The following CSNK1G1 variants were observed in gnomAD, a reference collection of about 807,000 sequenced individuals.
The protein encoded by CSNK1G1 is casein kinase I isoform gamma-1.
CSNK1G1 carries 22 observed loss-of-function variants against 59.6 expected under a neutral mutation model. That is an observed-to-expected ratio of 0.37 (90% CI 0.26 to 0.53). The LOEUF (loss-of-function observed/expected upper bound fraction) is 0.53, where lower values mean the gene tolerates loss of function less well. Ranked by LOEUF, CSNK1G1 falls within the 20% of genes least tolerant of loss-of-function variation. The pLI is 0.89. For missense variants in CSNK1G1, 384 were observed against 519.5 expected (o/e 0.74, Z 2.54); for synonymous variants, 179 against 177.1 (o/e 1.01, Z -0.08).
chr15:64,313,049 T>C (rs1378705159), intron 1 of CSNK1G1, among the ~76,000 whole-genome samples: 3 of 152,100 alleles, frequency 2.0e-5, no homozygotes, highest in Non-Finnish European at 4.4e-5. Context: ...AAAACCACAA[T>C]GAGATACCAT....
chr15:64,271,734 CTGT>C (rs1893319861), intron 2 of CSNK1G1, among the ~76,000 whole-genome samples: 1 of 152,158 alleles, frequency 6.6e-6, no homozygotes, highest in South Asian at 2.1e-4. Flanking sequence ...AATGTATATT[CTGT>C]TGTTTTGAAG....
intron 1 of CSNK1G1, among the ~76,000 whole-genome samples, chr15:64,350,799 C>T (rs902258236): frequency 6.6e-6 from 1 of 152,068 alleles, no homozygotes; most frequent in African/African-American, 2.4e-5. Flanking sequence ...AATTTTTTTT[C>T]CTGAGTCCAT....
intron 1 of CSNK1G1, among the ~76,000 whole-genome samples, chr15:64,310,730 G>A (rs1279096549): frequency 6.6e-6 from 1 of 152,050 alleles, no homozygotes; most frequent in African/African-American, 2.4e-5. Context: ...AAAGAGGCCG[G>A]GCACAGCGGC....
chr15:64,178,436 T>C (rs2081766678), intron 11 of CSNK1G1, among the ~76,000 whole-genome samples: 1 of 151,890 alleles, frequency 6.6e-6, no homozygotes, highest in Admixed American at 6.6e-5. Flanking sequence ...ACTTTTGATG[T>C]ATTGGGTAGG....
chr15:64,293,162 ATC>A (rs79308937), intron 2 of CSNK1G1, among the ~76,000 whole-genome samples: 8,397 of 152,162 alleles, frequency 0.055, 705 homozygotes, highest in African/African-American at 0.18. Flanking sequence ...AATCTATAAA[ATC>A]TGTTTTCATC....
chr15:64,319,381 A>G (rs1204025925), intron 1 of CSNK1G1, among the ~76,000 whole-genome samples: 1 of 151,848 alleles, frequency 6.6e-6, no homozygotes. Flanking sequence ...CTCTCAAAGG[A>G]TATCAGGCAT....
At chr15:64,312,668 G>A (rs542303983) in intron 1 of CSNK1G1, among the ~76,000 whole-genome samples, 1 of 152,228 alleles carries the variant, frequency 6.6e-6, no homozygotes, top group Non-Finnish European at 1.5e-5. Flanking sequence ...AAAAACCCAG[G>A]CAATACCATT....
intron 2 of CSNK1G1, among the ~76,000 whole-genome samples, chr15:64,284,528 C>G (rs1245755206): frequency 2.0e-5 from 3 of 151,976 alleles, no homozygotes; most frequent in Admixed American, 1.3e-4. Flanking sequence ...AAATTTTGTA[C>G]TCATTTTATT....
intron 9 of CSNK1G1, 139 bp downstream of exon 9, chr15:64,204,302 G>A: frequency 3.0e-6 from 2 of 670,554 alleles, no homozygotes; most frequent in Non-Finnish European, 2.3e-6. Flanking sequence ...GACAAGGCTA[G>A]TAAATATACA....
intron 4 of CSNK1G1, among the ~76,000 whole-genome samples, chr15:64,221,739 C>G (rs1235970250): frequency 6.6e-6 from 1 of 151,652 alleles, no homozygotes; most frequent in Non-Finnish European, 1.5e-5. Context: ...CCATCTCACG[C>G]CAGTCAGAAT....
intron 2 of CSNK1G1, among the ~76,000 whole-genome samples, chr15:64,273,315 A>C (rs1893429464): frequency 6.6e-6 from 1 of 152,214 alleles, no homozygotes; most frequent in Non-Finnish European, 1.5e-5. Context: ...AAAAAATATT[A>C]ATCTGGCCCC....
intron 4 of CSNK1G1, among the ~76,000 whole-genome samples, chr15:64,245,664 G>C (rs1210961206): frequency 6.6e-6 from 1 of 151,896 alleles, no homozygotes; most frequent in African/African-American, 2.4e-5. Flanking sequence ...CCAGCTCTCA[G>C]AGAGGCGAGG....
intron 1 of CSNK1G1, among the ~76,000 whole-genome samples, chr15:64,329,177 A>C (rs925997748): frequency 1.7e-4 from 26 of 152,238 alleles, no homozygotes; most frequent in Non-Finnish European, 3.4e-4. Context: ...AGCGGACCTA[A>C]CAGACATCTA....
intron 2 of CSNK1G1, among the ~76,000 whole-genome samples, chr15:64,268,577 T>A (rs1318288808): frequency 6.6e-6 from 1 of 152,232 alleles, no homozygotes; most frequent in Admixed American, 6.5e-5. Flanking sequence ...TCTTCCCACA[T>A]CCCAAAGATG....
chr15:64,302,833 T>G (rs1018565988), intron 1 of CSNK1G1, among the ~76,000 whole-genome samples: 1 of 152,188 alleles, frequency 6.6e-6, no homozygotes, highest in African/African-American at 2.4e-5. Context: ...ATCACTACAA[T>G]AGCCTCATTT....
intron 10 of CSNK1G1, among the ~76,000 whole-genome samples, chr15:64,184,535 G>A (rs2081864250): frequency 6.6e-6 from 1 of 151,240 alleles, no homozygotes; most frequent in Non-Finnish European, 1.5e-5. Context: ...AAATCAGCTG[G>A]GCGTGGTGGC....
chr15:64,294,850 T>G (rs1046372426), intron 2 of CSNK1G1, among the ~76,000 whole-genome samples: 6 of 144,992 alleles, frequency 4.1e-5, no homozygotes, highest in African/African-American at 1.5e-4. Flanking sequence ...AGGCGGAGGT[T>G]GCAGTGAGCC....
At chr15:64,259,889 C>T (rs559353038) in intron 2 of CSNK1G1, among the ~76,000 whole-genome samples, 1 of 152,300 alleles carries the variant, frequency 6.6e-6, no homozygotes, top group African/African-American at 2.4e-5. Context: ...CAAAGTTCTT[C>T]CTGCAATAAC....
chr15:64,300,191 T>C lies in CSNK1G1; in HGVS notation c.181+128A>G, dbSNP rs1000290505. The C allele has an allele frequency of 2.0e-5, 17 of 832,142 alleles. No homozygotes were observed. The South Asian group carries it at 2.7e-4, about 13-fold the overall frequency. 51.5% of individuals were successfully genotyped at this position (832,142 alleles called of 1,614,324 possible). ...GACTATAGTGCCCCTTCACAAATTA[T>C]TTCTTAACAACAGGTTCTCCTTAAG... is the stretch of plus-strand genomic sequence containing the variant. On this transcript the variant is annotated intron_variant, in intron 2 of 11. Coordinates refer to ENST00000303052, the MANE Select transcript of CSNK1G1 (RefSeq NM_022048.5).
Sources: gnomAD v4.1 joint callset for allele counts (sites outside exome capture counted in the v4.1 genomes callset) on GRCh38, gnomAD v4.1.1 for gene constraint, MANE v1.5 for transcripts, NCBI Gene and HGNC (gene_info 2026-07-23, HGNC 2026-07-21) for gene names.